NAA11: variants seen among roughly 807,000 people sequenced by gnomAD.
NAA11 encodes N-alpha-acetyltransferase 11.
In NAA11, 15 loss-of-function variants were observed where a neutral mutation model predicts 16.1. The observed-to-expected ratio is 0.93, with a 90% CI of 0.62 to 1.44. The LOEUF is 1.44. NAA11 is among the 40% of genes most tolerant of loss of function. The probability of loss-of-function intolerance (pLI) is 0.00; values close to 1 mark genes in which losing one functional copy is unlikely to be tolerated. For synonymous variants in NAA11, 122 were observed against 112.4 expected (o/e 1.09, Z -0.54); for missense variants, 298 against 291.3 (o/e 1.02, Z -0.17).
intron 1 of NAA11, among the ~76,000 whole-genome samples, chr4:79,322,861 G>A (rs1724138279): frequency 1.3e-5 from 2 of 151,994 alleles, no homozygotes. Flanking sequence ...TCTCCTCTGA[G>A]GACAGATTCT....
At chr4:79,225,342 CTTACT>C (rs1578149714), downstream of NAA11, among the ~76,000 whole-genome samples, 1 of 152,020 alleles carries the variant, frequency 6.6e-6, no homozygotes, top group Admixed American at 6.6e-5. Flanking sequence ...GCGAAATACA[CTTACT>C]TTAAGAGCTG....
chr4:79,215,620 G>A, the NAA11 span, among the ~76,000 whole-genome samples: 1 of 152,102 alleles, frequency 6.6e-6, no homozygotes, highest in Non-Finnish European at 1.5e-5. Context: ...CACAATTGTC[G>A]CTTTCTGCCT....
intron 2 of NAA11, among the ~76,000 whole-genome samples, chr4:79,243,605 T>C (rs150658496): frequency 6.6e-6 from 1 of 152,242 alleles, no homozygotes; most frequent in Non-Finnish European, 1.5e-5. Flanking sequence ...TACTGATGTG[T>C]TAGCAGTTGA....
intron 1 of NAA11, among the ~76,000 whole-genome samples, chr4:79,295,372 A>C (rs1723185493): frequency 6.6e-6 from 1 of 152,244 alleles, no homozygotes; most frequent in Non-Finnish European, 1.5e-5. Flanking sequence ...AATCTGTTTC[A>C]GGATTACAGG....
At chr4:79,219,906 C>T in the NAA11 span, among the ~76,000 whole-genome samples, 1 of 152,172 alleles carries the variant, frequency 6.6e-6, no homozygotes, top group Non-Finnish European at 1.5e-5. Context: ...CTCCAACTGT[C>T]CCCAAATATC....
chr4:79,312,450 A>G (rs547901114), downstream of NAA11, among the ~76,000 whole-genome samples: 25 of 152,190 alleles, frequency 1.6e-4, no homozygotes, highest in African/African-American at 5.3e-4. Context: ...TAGGAACTTG[A>G]GACCAGCCTG....
At chr4:79,202,623 T>TTTTATA in the NAA11 span, among the ~76,000 whole-genome samples, 2 of 52,622 alleles carry the variant, frequency 3.8e-5, no homozygotes, top group Admixed American at 2.4e-4. Flanking sequence ...ATATATAGTT[T>TTTTATA]TATATATATA....
At chr4:79,223,079 C>T (rs1363441334), downstream of NAA11, among the ~76,000 whole-genome samples, 3 of 148,868 alleles carry the variant, frequency 2.0e-5, no homozygotes, top group Non-Finnish European at 4.5e-5. Context: ...TTGTGGAAGT[C>T]AGTGTGGCGA....
At chr4:79,219,985 T>G in the NAA11 span, among the ~76,000 whole-genome samples, 4 of 152,228 alleles carry the variant, frequency 2.6e-5, no homozygotes, top group African/African-American at 4.8e-5. Context: ...ATAAACTATT[T>G]TGAGCTCACC....
the NAA11 span, among the ~76,000 whole-genome samples, chr4:79,208,925 C>CAAAAAAAAAAAAAAAAAAAAAAAAA: frequency 1.9e-5 from 1 of 53,982 alleles, no homozygotes; most frequent in Non-Finnish European, 3.6e-5. Context: ...ATATAACTGC[C>CAAAAAAAAAAAAAAAAAAAAAAAAA]AAAAAAAAAA....
the NAA11 span, among the ~76,000 whole-genome samples, chr4:79,190,007 A>C: frequency 6.6e-6 from 1 of 151,940 alleles, no homozygotes; most frequent in Non-Finnish European, 1.5e-5. Flanking sequence ...TATTATTGAC[A>C]TTGGGTAGCA....
intron 2 of NAA11, among the ~76,000 whole-genome samples, chr4:79,250,054 C>G (rs1721958269): frequency 6.6e-6 from 1 of 152,230 alleles, no homozygotes; most frequent in Non-Finnish European, 1.5e-5. Context: ...CTGTCATCCC[C>G]AGCCAAGGGA....
At chr4:79,188,393 G>A in the NAA11 span, among the ~76,000 whole-genome samples, 1 of 152,066 alleles carries the variant, frequency 6.6e-6, no homozygotes, top group African/African-American at 2.4e-5. Flanking sequence ...AGACCATCCT[G>A]GCTAACGCGG....
chr4:79,320,572 C>T (rs1255283016), intron 1 of NAA11, among the ~76,000 whole-genome samples: 1 of 152,140 alleles, frequency 6.6e-6, no homozygotes, highest in African/African-American at 2.4e-5. Flanking sequence ...TAGTACCTAC[C>T]TCACAGGCTT....
At chr4:79,295,009 G>C (rs1444931322) in intron 1 of NAA11, among the ~76,000 whole-genome samples, 7 of 152,144 alleles carry the variant, frequency 4.6e-5, no homozygotes, top group Non-Finnish European at 1.0e-4. Flanking sequence ...TTCCATTACT[G>C]AAGCTACTTT....
downstream of NAA11, among the ~76,000 whole-genome samples, chr4:79,220,884 A>C (rs528309954): frequency 2.4e-4 from 36 of 152,196 alleles, no homozygotes; most frequent in African/African-American, 8.2e-4. Flanking sequence ...TATGAAATTT[A>C]AAGTAGTTTT....
At chr4:79,236,936 G>A (rs1287187136) in intron 2 of NAA11, among the ~76,000 whole-genome samples, 2 of 152,138 alleles carry the variant, frequency 1.3e-5, no homozygotes, top group African/African-American at 4.8e-5. Context: ...TGGGAAAACT[G>A]CCTTCTTGTG....
intron 2 of NAA11, among the ~76,000 whole-genome samples, chr4:79,264,586 C>T (rs1224990591): frequency 6.6e-6 from 1 of 152,022 alleles, no homozygotes; most frequent in Non-Finnish European, 1.5e-5. Context: ...GTCAAGCTCA[C>T]CAGCGATCTT....
chr4:79,175,375 C>A, the NAA11 span, among the ~76,000 whole-genome samples: 1 of 152,072 alleles, frequency 6.6e-6, no homozygotes, highest in African/African-American at 2.4e-5. Flanking sequence ...GATAATGACA[C>A]ATGAAATTAA....
Sources: gnomAD v4.1 joint callset for allele counts (sites outside exome capture counted in the v4.1 genomes callset) on GRCh38, gnomAD v4.1.1 for gene constraint, MANE v1.5 for transcripts, NCBI Gene and HGNC (gene_info 2026-07-23, HGNC 2026-07-21) for gene names.